MNAT1: variants seen among roughly 807,000 people sequenced by gnomAD.
The protein encoded by MNAT1 is CDK-activating kinase assembly factor MAT1.
In MNAT1, 43 loss-of-function variants were observed where a neutral mutation model predicts 42.0. The observed-to-expected ratio is 1.02, with a 90% confidence interval of 0.80 to 1.32. The LOEUF is 1.32. Among genes scored for constraint, MNAT1 ranks in the 40% most tolerant of loss-of-function variants. The pLI, the probability that MNAT1 is intolerant of heterozygous loss-of-function variation, is 0.00. For missense variants in MNAT1, 306 were observed against 350.4 expected (o/e 0.87, Z 1.01); for synonymous variants, 118 against 120.0 (o/e 0.98, Z 0.11).
chr14:60,793,406 C>T (rs1296186716), intron 1 of MNAT1, among the ~76,000 whole-genome samples: 1 of 151,832 alleles, frequency 6.6e-6, no homozygotes, highest in South Asian at 2.1e-4. Flanking sequence ...CTTTGTCACG[C>T]AGGCTGGAGT....
chr14:60,782,372 G>A (rs1311567945), intron 1 of MNAT1, among the ~76,000 whole-genome samples: 1 of 152,030 alleles, frequency 6.6e-6, no homozygotes, highest in Non-Finnish European at 1.5e-5. Context: ...AAAACGTTGT[G>A]TTTATTGTTC....
intron 7 of MNAT1, among the ~76,000 whole-genome samples, chr14:60,927,333 G>A (rs1184214501): frequency 6.6e-6 from 1 of 152,164 alleles, no homozygotes; most frequent in Non-Finnish European, 1.5e-5. Flanking sequence ...TACTACCAAA[G>A]ACTTAAAGCT....
At chr14:60,890,287 A>G (rs569514517) in intron 7 of MNAT1, among the ~76,000 whole-genome samples, 2 of 152,182 alleles carry the variant, frequency 1.3e-5, no homozygotes, top group Non-Finnish European at 2.9e-5. Flanking sequence ...CTTGCATCCC[A>G]GGCATAAATT....
chr14:60,823,887 G>A (rs1283374919), intron 6 of MNAT1, among the ~76,000 whole-genome samples: 4 of 151,832 alleles, frequency 2.6e-5, no homozygotes, highest in African/African-American at 4.8e-5. Flanking sequence ...GGCTGGGCGC[G>A]GTGGCTCATG....
intron 7 of MNAT1, chr14:60,880,162 A>G (rs183981063): frequency 5.7e-6 from 1 of 175,896 alleles, no homozygotes; most frequent in Admixed American, 6.0e-5. Context: ...TAGTAAGCCA[A>G]TAAAAATATG....
At chr14:60,848,335 C>T (rs1238781072) in intron 6 of MNAT1, among the ~76,000 whole-genome samples, 1 of 152,110 alleles carries the variant, frequency 6.6e-6, no homozygotes, top group East Asian at 1.9e-4. Context: ...TTAAGATTTT[C>T]TCTTTGTGTT....
chr14:60,807,156 T>C (rs150113678), intron 3 of MNAT1, among the ~76,000 whole-genome samples: 52 of 152,346 alleles, frequency 3.4e-4, no homozygotes, highest in African/African-American at 1.3e-3. Flanking sequence ...ACAGTGATTA[T>C]GATAAATTGA....
At chr14:60,927,546 A>G (rs2035791466) in intron 7 of MNAT1, among the ~76,000 whole-genome samples, 1 of 152,192 alleles carries the variant, frequency 6.6e-6, no homozygotes, top group Admixed American at 6.5e-5. Context: ...GGTGCCCTGT[A>G]CTTGGAGTTT....
intron 7 of MNAT1, among the ~76,000 whole-genome samples, chr14:60,962,378 A>T (rs1220620343): frequency 6.6e-6 from 1 of 152,122 alleles, no homozygotes; most frequent in Non-Finnish European, 1.5e-5. Context: ...TGTTCCTGAG[A>T]TGTTCCTGTG....
At chr14:60,861,736 T>C (rs1206993101) in intron 6 of MNAT1, among the ~76,000 whole-genome samples, 1 of 152,250 alleles carries the variant, frequency 6.6e-6, no homozygotes, top group Non-Finnish European at 1.5e-5. Flanking sequence ...ACTTTCAGGA[T>C]AGAATACTTT....
intron 6 of MNAT1, among the ~76,000 whole-genome samples, chr14:60,861,929 C>G (rs1195778185): frequency 2.0e-5 from 3 of 152,102 alleles, no homozygotes; most frequent in Non-Finnish European, 2.9e-5. Context: ...AGTTGCTGGG[C>G]AGCAGTCTTG....
intron 7 of MNAT1, among the ~76,000 whole-genome samples, chr14:60,898,235 T>C (rs1020794937): frequency 6.6e-6 from 1 of 152,058 alleles, no homozygotes; most frequent in Non-Finnish European, 1.5e-5. Flanking sequence ...GTGATGAACA[T>C]GTAAGTGCAA....
intron 1 of MNAT1, among the ~76,000 whole-genome samples, chr14:60,748,889 T>A (rs2029948830): frequency 1.3e-5 from 2 of 152,202 alleles, no homozygotes. Context: ...TTATTAACTA[T>A]TATGCACTGT....
chr14:60,841,828 C>G (rs1266211057), intron 6 of MNAT1, among the ~76,000 whole-genome samples: 2 of 152,220 alleles, frequency 1.3e-5, no homozygotes, highest in Non-Finnish European at 2.9e-5. Context: ...TAATTTAGCT[C>G]CACTTTCATG....
At chr14:60,898,498 T>C (rs2035008689) in intron 7 of MNAT1, among the ~76,000 whole-genome samples, 1 of 152,172 alleles carries the variant, frequency 6.6e-6, no homozygotes, top group Admixed American at 6.5e-5. Flanking sequence ...TATATTTGCA[T>C]TTCCCTGATG....
chr14:60,892,264 A>G (rs2034862450), intron 7 of MNAT1, among the ~76,000 whole-genome samples: 2 of 152,036 alleles, frequency 1.3e-5, no homozygotes, highest in Non-Finnish European at 2.9e-5. Context: ...GGCTTTAACT[A>G]TTATTGTAAA....
chr14:60,831,726 G>A (rs888485409), intron 6 of MNAT1, among the ~76,000 whole-genome samples: 1 of 152,026 alleles, frequency 6.6e-6, no homozygotes, highest in Non-Finnish European at 1.5e-5. Flanking sequence ...TGGTATTTCT[G>A]ATTCTAGATC....
chr14:60,766,911 T>C (rs2030850951), intron 1 of MNAT1, among the ~76,000 whole-genome samples: 1 of 152,164 alleles, frequency 6.6e-6, no homozygotes, highest in South Asian at 2.1e-4. Flanking sequence ...GTAATACAAA[T>C]GCAAGAATAA....
At chr14:60,751,274 T>TA (rs1225307166) in intron 1 of MNAT1, among the ~76,000 whole-genome samples, 2 of 152,152 alleles carry the variant, frequency 1.3e-5, no homozygotes, top group Admixed American at 1.3e-4. Context: ...CATTTTTTTT[T>TA]ACTGTAATGC....
Sources: allele counts gnomAD v4.1 joint callset (sites outside exome capture counted in the v4.1 genomes callset), GRCh38; gene constraint gnomAD v4.1.1; transcripts MANE v1.5; gene names NCBI Gene and HGNC (gene_info 2026-07-23, HGNC 2026-07-21).